Variants in AP5Z1 observed in about 807,000 individuals in gnomAD.
AP5Z1 encodes AP-5 complex subunit zeta-1.
Under a neutral mutation model 83.0 loss-of-function variants are expected in AP5Z1, and 106 were observed. The ratio of observed to expected loss-of-function variants is 1.28; its 90% CI spans 1.09 to 1.50. The LOEUF is 1.50. Among genes scored for constraint, AP5Z1 ranks in the 40% most tolerant of loss-of-function variants. The pLI, the probability that AP5Z1 is intolerant of heterozygous loss-of-function variation, is 0.00. For synonymous variants in AP5Z1, 751 were observed against 514.1 expected, an observed-to-expected ratio of 1.46 and a Z score of -6.23; for missense variants, 1,565 against 1,094.2, an observed-to-expected ratio of 1.43 and a Z score of -6.07.
intron 1 of AP5Z1, among the ~76,000 whole-genome samples, chr7:4,777,933 G>A (rs775734793): frequency 9.8e-5 from 15 of 152,338 alleles, no homozygotes; most frequent in Middle Eastern, 3.4e-3. Context: ...GTTTGGAGCC[G>A]GCCAGGCGCA....
At chr7:4,788,545 G>A (rs1340294870) in intron 12 of AP5Z1, 4 of 529,126 alleles carry the variant, frequency 7.6e-6, no homozygotes. Flanking sequence ...CCCTGTGGGT[G>A]CTCCATTTTG....
chr7:4,786,730 G>A (rs1223409881), intron 10 of AP5Z1, among the ~76,000 whole-genome samples: 2 of 152,228 alleles, frequency 1.3e-5, no homozygotes, highest in African/African-American at 2.4e-5. Flanking sequence ...TCCCTCCCCC[G>A]GGAGCCCTGC....
rs186154349 is a variant in AP5Z1 at position 4,787,730 on chromosome 7, C to T, written c.1408C>T (p.Leu470=). ...CACAGCCCTGGAGATGCTGCACGCG[C>T]TGCTGGACCTGCCCTGCTTGACGGC... ...AGTALEMLHA[L]LDLPCLTAVL... Residue 470 remains leucine (L), a synonymous_variant, in exon 11 of 17, where the codon CTG becomes TTG. Transcript: ENST00000649063. 3.2e-6 allele frequency: 5 copies of T among 1,547,708 alleles called. No homozygotes were observed. The highest frequency in any genetic ancestry group is 1.9e-5 in the Admixed American group (1 of 51,580).
Position 4,787,787 on chromosome 7 carries a change from C to T in AP5Z1, c.1454+11C>T. ...GGACCTGCAGCTCAGGTGGGCCCCT[C>T]ACCCTCTGCCAGCGCTGCGTCTCCC... On this transcript the variant is annotated intron_variant, in intron 11 of 16. Coordinates refer to ENST00000649063, the MANE Select transcript of AP5Z1 (RefSeq NM_014855.3). 1 of 1,522,262 alleles carries T rather than the reference C, an allele frequency of 6.6e-7. No individual in the cohort carries two copies. The highest frequency in any genetic ancestry group is 1.4e-5 in the African/African-American group (1 of 72,864). 94.3% of individuals were successfully genotyped at this position (1,522,262 alleles called of 1,614,324 possible).
chr7:4,785,064 A>G lies in AP5Z1; in HGVS notation c.931+16A>G, dbSNP rs1215880920. 2 of 1,583,556 alleles carry G rather than the reference A, an allele frequency of 1.3e-6. No individual in the cohort carries two copies. Among genetic ancestry groups the G allele is most frequent in the South Asian group, 2.3e-5 (2 of 87,314 alleles). ...AGTAACCGACGTGAGTCCCCCACCC[A>G]GGGCACTGGCCTCCCCAGGGCTCGA... is the stretch of plus-strand genomic sequence containing the variant. On this transcript the variant is annotated intron_variant, in intron 7 of 16. Transcript: ENST00000649063.
intron 7 of AP5Z1, 25 bp from the exon 8 acceptor site, chr7:4,785,390 G>A (rs751540394): frequency 2.2e-5 from 36 of 1,611,608 alleles, no homozygotes; most frequent in East Asian, 4.5e-5. Flanking sequence ...AGACAGAGCC[G>A]GCTGACTTTT....
chr7:4,784,497 C>A (rs1361415628), intron 6 of AP5Z1, 126 bp downstream of exon 6: 3 of 1,166,168 alleles, frequency 2.6e-6, no homozygotes, highest in Non-Finnish European at 1.2e-6. Flanking sequence ...GAGGTCAGGA[C>A]TGAGCAACGC....
Position 4,788,208 on chromosome 7 carries a change from C to T in AP5Z1, c.1509C>T (p.Pro503=). ...TCTGGGACACCTCTCTCAGGGCCCC[C>T]AGCTGCCTGGAGGCCTTCCGGGACC... ...RPLWDTSLRA[P]SCLEAFRDPQ... Residue 503 remains proline, a synonymous_variant, in exon 12 of 17, where the codon CCC becomes CCT. Transcript: ENST00000649063. The T allele has an allele frequency of 3.2e-6, 5 of 1,565,538 alleles. No individual in the cohort carries two copies. The highest frequency in any genetic ancestry group is 2.4e-5 in the East Asian group (1 of 42,170).
chr7:4,788,053 T>C, intron 11 of AP5Z1, 101 bp from the exon 12 acceptor site: 1 of 1,428,914 alleles, frequency 7.0e-7, no homozygotes, highest in Non-Finnish European at 9.2e-7. Flanking sequence ...GCACCCGAGG[T>C]GCTGTGATAT....
In AP5Z1 at chr7:4,786,412, T is replaced by C; in HGVS notation, c.1295T>C (p.Phe432Ser). ...SGHLSTLRLS[F>S]PNLFKFLAWN... ...CACCTCAGCACCCTCAGATTGAGCTTCCCCAACCTCTTTAAGGTATATTTG... is the reference window on the plus strand; with the variant it reads ...CACCTCAGCACCCTCAGATTGAGCTCCCCCAACCTCTTTAAGGTATATTTG... Residue 432 changes from phenylalanine to serine, a missense_variant, in exon 10 of 17, where the codon TTC becomes TCC. Transcript: ENST00000649063. 1.9e-6 allele frequency: 3 copies of C among 1,613,782 alleles called. No individual in the cohort carries two copies. The highest frequency in any genetic ancestry group is 2.5e-6 in the Non-Finnish European group (3 of 1,179,844).
rs557770214 is a variant in AP5Z1 at position 4,793,319 on chromosome 7, C to T, written c.*1934C>T. On this transcript the variant is annotated 3_prime_UTR_variant, in exon 17 of 17. Coordinates refer to ENST00000649063, the MANE Select transcript of AP5Z1 (RefSeq NM_014855.3). ...TCAGATTTACAGAAAAGATGATAAA[C>T]CTTAGAAACATTATATGCTAAGTGA... 4 of 152,374 alleles carry T rather than the reference C, an allele frequency of 2.6e-5. No homozygotes were observed. Among genetic ancestry groups the T allele is most frequent in the South Asian group, 2.1e-4 (1 of 4,830 alleles). 9.4% of individuals were successfully genotyped at this position (152,374 alleles called of 1,614,324 possible).
chr7:4,781,899 T>G, intron 3 of AP5Z1, 145 bp downstream of exon 3: 2 of 1,024,036 alleles, frequency 2.0e-6, no homozygotes, highest in South Asian at 2.2e-5. Flanking sequence ...CACTTGAGGC[T>G]GGGGCATGCC....
At chr7:4,778,244 T>C (rs1781276905) in intron 1 of AP5Z1, among the ~76,000 whole-genome samples, 1 of 152,008 alleles carries the variant, frequency 6.6e-6, no homozygotes, top group Non-Finnish European at 1.5e-5. Context: ...CCAAAAAGAT[T>C]TGGAGTGAAC....
chr7:4,775,890 G>A, intron 1 of AP5Z1, 134 bp downstream of exon 1: 1 of 1,326,836 alleles, frequency 7.5e-7, no homozygotes, highest in Non-Finnish European at 1.0e-6. Flanking sequence ...GAGACTTGGG[G>A]ATCGGGTAAG....
intron 7 of AP5Z1, 101 bp from the exon 8 acceptor site, chr7:4,785,314 T>G (rs1781506783): frequency 1.4e-6 from 2 of 1,476,858 alleles, no homozygotes; most frequent in Admixed American, 4.3e-5. Flanking sequence ...CCCACCCCCC[T>G]GCTCCCGGTC....
At chr7:4,780,305 A>G (rs747901462) in intron 1 of AP5Z1, among the ~76,000 whole-genome samples, 1 of 152,156 alleles carries the variant, frequency 6.6e-6, no homozygotes, top group Non-Finnish European at 1.5e-5. Flanking sequence ...ATGTCATGAC[A>G]TTTGTTCTTT....
Position 4,791,280 on chromosome 7 carries a change from G to A in AP5Z1, c.2319G>A (p.Glu773=), listed in dbSNP as rs749022290. The change falls in exon 17 of 17, where the codon GAG becomes GAA. Residue 773 remains glutamate, a synonymous_variant. Transcript: ENST00000649063. ...AGTTTGTGCTCACACCCAGCACGGA[G>A]GTGTGCAGCCCCCGCTATCACCGCG... The part of the protein sequence containing the change: ...VAQFVLTPST[E]VCSPRYHRDA... 9 of 1,612,662 alleles carry A rather than the reference G, an allele frequency of 5.6e-6. No homozygotes were observed. The highest frequency in any genetic ancestry group is 7.6e-6 in the Non-Finnish European group (9 of 1,179,858).
Position 4,781,281 on chromosome 7 carries a change from CTCA to C in AP5Z1, c.154_156del (p.Ile52del). On this transcript the variant is annotated inframe_deletion, in exon 2 of 17. Coordinates refer to ENST00000649063, the MANE Select transcript of AP5Z1 (RefSeq NM_014855.3). The stretch of plus-strand genomic sequence containing the variant: ...CCTCGACTCCCTGCAGAGGCTCTTC[CTCA>C]TCATCTCAGCCACGAAGTACAGCCG... The C allele has an allele frequency of 6.2e-7, 1 of 1,613,730 alleles. No individual in the cohort carries two copies. The highest frequency in any genetic ancestry group is 8.5e-7 in the Non-Finnish European group (1 of 1,179,800).
chr7:4,784,510 C>G (rs1250314508), intron 6 of AP5Z1, 139 bp downstream of exon 6: 1 of 1,067,980 alleles, frequency 9.4e-7, no homozygotes, highest in African/African-American at 1.6e-5. Flanking sequence ...AGCAACGCAG[C>G]CTGCTGACCT....
Sources: gnomAD v4.1 joint callset for allele counts (sites outside exome capture counted in the v4.1 genomes callset) on GRCh38, gnomAD v4.1.1 for gene constraint, MANE v1.5 for transcripts, NCBI Gene and HGNC (gene_info 2026-07-23, HGNC 2026-07-21) for gene names.